ECT2L: variants seen among roughly 807,000 people sequenced by gnomAD.
ECT2L encodes epithelial cell-transforming sequence 2 oncogene-like.
ECT2L carries 126 observed loss-of-function variants against 122.8 expected under a neutral mutation model. The observed-to-expected ratio is 1.03, with a 90% CI of 0.89 to 1.19. ECT2L has a LOEUF of 1.19. Ranked by LOEUF, ECT2L falls within the 50% of genes most tolerant of loss-of-function variation. ECT2L has a pLI of 0.00. For synonymous variants in ECT2L, 385 were observed against 381.8 expected (o/e 1.01, Z -0.10); for missense variants, 1,012 against 1,064.1 (o/e 0.95, Z 0.68).
At chr6:138,859,728 A>G (rs1411596602) in intron 10 of ECT2L, among the ~76,000 whole-genome samples, 1 of 151,728 alleles carries the variant, frequency 6.6e-6, no homozygotes, top group Non-Finnish European at 1.5e-5. Context: ...AGAGCTCTTT[A>G]TACATACTGG....
At chr6:138,828,592 CTG>C (rs930082486) in intron 4 of ECT2L, among the ~76,000 whole-genome samples, 12 of 152,168 alleles carry the variant, frequency 7.9e-5, no homozygotes, top group Non-Finnish European at 1.6e-4. Flanking sequence ...CGTGGGTCCA[CTG>C]TTTCATTAGG....
At chr6:138,837,859 GTTCT>G (rs1232664577) in intron 4 of ECT2L, among the ~76,000 whole-genome samples, 1 of 149,944 alleles carries the variant, frequency 6.7e-6, no homozygotes, top group Non-Finnish European at 1.5e-5. Flanking sequence ...AGATATTCTT[GTTCT>G]TTGTCTTCCT....
chr6:138,893,484 G>C (rs913011222), intron 20 of ECT2L, among the ~76,000 whole-genome samples: 1 of 151,696 alleles, frequency 6.6e-6, no homozygotes, highest in Non-Finnish European at 1.5e-5. Flanking sequence ...GCAGTGGCCT[G>C]AGCTCGGCTC....
intron 9 of ECT2L, among the ~76,000 whole-genome samples, chr6:138,849,778 A>G (rs1337810345): frequency 1.3e-5 from 2 of 152,052 alleles, no homozygotes; most frequent in Non-Finnish European, 2.9e-5. Flanking sequence ...CATGTTGCCC[A>G]TGCTGGTCCC....
At chr6:138,896,915 G>T (rs554353885) in intron 20 of ECT2L, among the ~76,000 whole-genome samples, 31 of 152,070 alleles carry the variant, frequency 2.0e-4, no homozygotes, top group African/African-American at 7.5e-4. Flanking sequence ...CAAAGTGCTG[G>T]GATTACAGGT....
At chr6:138,848,193 T>G (rs149799776) in intron 8 of ECT2L, among the ~76,000 whole-genome samples, 1,801 of 152,286 alleles carry the variant, frequency 0.012, 34 homozygotes, top group African/African-American at 0.041. Flanking sequence ...TGAGATTTGG[T>G]TAGGGACACA....
chr6:138,873,894 G>GTGTGTGTGTGTGTGTGTGTGTGTGTGTA (rs1554277002), intron 13 of ECT2L, among the ~76,000 whole-genome samples: 11 of 145,816 alleles, frequency 7.5e-5, no homozygotes, highest in African/African-American at 2.8e-4. Flanking sequence ...GTGTGTGTGT[G>GTGTGTGTGTGTGTGTGTGTGTGTGTGTA]TGTGTGTGTG....
At chr6:138,866,844 A>G (rs1778058119) in intron 12 of ECT2L, among the ~76,000 whole-genome samples, 2 of 151,892 alleles carry the variant, frequency 1.3e-5, no homozygotes, top group Admixed American at 6.6e-5. Context: ...AAGCCAAGGC[A>G]GGTGGATTGC....
Position 138,813,294 on chromosome 6 carries a change from G to C in ECT2L, c.20G>C (p.Arg7Thr). 1.2e-6 allele frequency: 2 copies of C among 1,612,510 alleles called. No individual in the cohort carries two copies. The highest frequency in any genetic ancestry group is 1.7e-6 in the Non-Finnish European group (2 of 1,179,664). The change falls in exon 3 of 22, where the codon AGA (arginine) becomes ACA (threonine). Residue 7 changes from arginine to threonine, a missense_variant. Physicochemically the swap from Arg to Thr is moderately conservative, Grantham distance 71 (BLOSUM62 -1). Transcript: ENST00000541398. Reference protein sequence around the residue: MESFHTRFSAWTPFSNK... With the variant: MESFHTTFSAWTPFSNK... ...CCAGAAATGGAGAGCTTCCACACCA[G>C]ATTTAGTGCCTGGACACCTTTTAGC...
intron 5 of ECT2L, 56 bp downstream of exon 5, chr6:138,838,570 T>C (rs1347393956): frequency 6.5e-7 from 1 of 1,536,186 alleles, no homozygotes; most frequent in Non-Finnish European, 8.7e-7. Context: ...TAATCTGTAA[T>C]GAGGCTACTG....
intron 4 of ECT2L, among the ~76,000 whole-genome samples, chr6:138,831,724 TTTTC>T (rs1389959840): frequency 3.3e-5 from 5 of 152,216 alleles, no homozygotes; most frequent in African/African-American, 9.6e-5. Flanking sequence ...ATTGTGTCAT[TTTTC>T]TTTGTCTCAT....
At chr6:138,877,018 A>C (rs561110416) in intron 14 of ECT2L, among the ~76,000 whole-genome samples, 1 of 152,290 alleles carries the variant, frequency 6.6e-6, no homozygotes, top group East Asian at 1.9e-4. Context: ...GTCCTGTGTA[A>C]CCCACGGCAT....
chr6:138,846,192 C>T (rs1777214236), intron 7 of ECT2L, among the ~76,000 whole-genome samples: 1 of 152,036 alleles, frequency 6.6e-6, no homozygotes. Context: ...ACAACTGAGG[C>T]CTAGAAGGAA....
rs73557285 is a variant in ECT2L, at chr6:138,862,604, C to T, written c.1199-23C>T. On this transcript the variant is annotated intron_variant, in intron 10 of 21. Coordinates refer to ENST00000541398, the MANE Select transcript of ECT2L (RefSeq NM_001077706.3). ...ATGGCAAAATATATGAGGAAACTAA[C>T]GAAAGTGTTTTTGACTATGCAGAGG... 164 of 1,604,540 alleles carry T rather than the reference C, an allele frequency of 1.0e-4. 1 individual carries two copies. In the African/African-American group the frequency reaches 1.8e-3, roughly 18 times the overall value.
rs147671739 is a variant in ECT2L, at chr6:138,851,939, G to C, written c.1070-2087G>C. Among the ~76,000 whole-genome samples, 230 of 152,186 alleles carry C rather than the reference G, an allele frequency of 1.5e-3. 1 individual carries two copies. The highest frequency in any genetic ancestry group is 5.4e-3 in the African/African-American group (223 of 41,500). The stretch of plus-strand genomic sequence containing the variant: ...ATTATATTCCTAGTTTCCTACAAAG[G>C]AAAGGAATGGCTGATATCATCAACT... On this transcript the variant is annotated intron_variant, in intron 9 of 21. Transcript: ENST00000541398.
chr6:138,805,413 C>T (rs1367226388), intron 1 of ECT2L, among the ~76,000 whole-genome samples: 1 of 152,170 alleles, frequency 6.6e-6, no homozygotes, highest in Non-Finnish European at 1.5e-5. Flanking sequence ...TGTGTGAGAG[C>T]TCTGGATGCT....
chr6:138,826,232 A>G (rs142395924), intron 4 of ECT2L, among the ~76,000 whole-genome samples: 1,636 of 152,282 alleles, frequency 0.011, 19 homozygotes, highest in Non-Finnish European at 0.018. Context: ...TTTTTATCAC[A>G]TTCAAATTCC....
At chr6:138,839,860 T>C (rs1284425584) in intron 5 of ECT2L, among the ~76,000 whole-genome samples, 1 of 152,316 alleles carries the variant, frequency 6.6e-6, no homozygotes, top group East Asian at 1.9e-4. Context: ...CTACAACATA[T>C]AGCCTTGAAT....
At chr6:138,880,864 C>G (rs1412804523) in intron 14 of ECT2L, 93 bp from the exon 15 acceptor site, 1 of 1,116,694 alleles carries the variant, frequency 9.0e-7, no homozygotes, top group African/African-American at 1.5e-5. Flanking sequence ...CTGAACAGCA[C>G]AAACCAGCAA....
Sources: allele counts gnomAD v4.1 joint callset (sites outside exome capture counted in the v4.1 genomes callset), GRCh38; gene constraint gnomAD v4.1.1; transcripts MANE v1.5; gene names NCBI Gene and HGNC (gene_info 2026-07-23, HGNC 2026-07-21).